GRID1: variants seen among roughly 807,000 people sequenced by gnomAD.
The protein encoded by GRID1 is glutamate receptor ionotropic, delta-1.
In GRID1, 28 loss-of-function variants were observed where a neutral mutation model predicts 98.0. The ratio of observed to expected loss-of-function variants is 0.29; its 90% CI spans 0.21 to 0.39. GRID1 has a LOEUF of 0.39. Among genes scored for constraint, GRID1 ranks in the 10% least tolerant of loss-of-function variants. The pLI, the probability that GRID1 is intolerant of heterozygous loss-of-function variation, is 1.00. For synonymous variants in GRID1, 553 were observed against 538.5 expected (o/e 1.03, Z -0.37); for missense variants, 1,111 against 1,340.5 (o/e 0.83, Z 2.67).
intron 4 of GRID1, among the ~76,000 whole-genome samples, chr10:86,115,979 G>A (rs558376093): frequency 5.0e-4 from 76 of 152,138 alleles, no homozygotes; most frequent in Non-Finnish European, 1.0e-3. Context: ...TATTGCATTC[G>A]GCACAGTCCC....
intron 8 of GRID1, among the ~76,000 whole-genome samples, chr10:85,777,473 G>C (rs1422758802): frequency 6.6e-6 from 1 of 152,210 alleles, no homozygotes; most frequent in Non-Finnish European, 1.5e-5. Flanking sequence ...TAAGTAGAAT[G>C]GGGTAGGACC....
chr10:85,614,443 C>CA (rs1842766615), intron 14 of GRID1, among the ~76,000 whole-genome samples: 1 of 152,196 alleles, frequency 6.6e-6, no homozygotes, highest in Non-Finnish European at 1.5e-5. Context: ...GTTGAATCCT[C>CA]ATTTGCATGC....
intron 4 of GRID1, among the ~76,000 whole-genome samples, chr10:85,970,289 T>C (rs1052248867): frequency 7.9e-5 from 12 of 152,020 alleles, no homozygotes; most frequent in Non-Finnish European, 1.5e-4. Flanking sequence ...AAAAATAGAA[T>C]AGGAGGGAAC....
At chr10:85,776,323 G>A (rs934966332) in intron 8 of GRID1, among the ~76,000 whole-genome samples, 9 of 152,216 alleles carry the variant, frequency 5.9e-5, no homozygotes, top group African/African-American at 1.7e-4. Flanking sequence ...GGACAGAAGT[G>A]AGGCTCAGAT....
chr10:86,116,157 C>T (rs186329833), intron 4 of GRID1, among the ~76,000 whole-genome samples: 5 of 152,264 alleles, frequency 3.3e-5, no homozygotes, highest in East Asian at 3.9e-4. Context: ...TTAAGTGATG[C>T]GTGACTGTAT....
At chr10:85,669,690 C>T (rs186714965) in intron 12 of GRID1, among the ~76,000 whole-genome samples, 2 of 152,304 alleles carry the variant, frequency 1.3e-5, no homozygotes, top group East Asian at 1.9e-4. Context: ...TAGGGAAGGA[C>T]TGCTAGCTCC....
chr10:85,616,939 T>G (rs1213317605), intron 14 of GRID1, among the ~76,000 whole-genome samples: 1 of 152,212 alleles, frequency 6.6e-6, no homozygotes, highest in Admixed American at 6.5e-5. Flanking sequence ...AACTGCATGC[T>G]GTGGTCTGCA....
chr10:86,152,070 A>C (rs987303543), intron 3 of GRID1, among the ~76,000 whole-genome samples: 3 of 152,262 alleles, frequency 2.0e-5, no homozygotes, highest in Non-Finnish European at 2.9e-5. Flanking sequence ...AACAGCAGGG[A>C]GTGCACGAGA....
chr10:85,609,871 G>A (rs183846552), intron 15 of GRID1, among the ~76,000 whole-genome samples: 25 of 152,256 alleles, frequency 1.6e-4, no homozygotes, highest in African/African-American at 5.1e-4. Flanking sequence ...TAAATCTAGC[G>A]AGTGGCTCTT....
rs146215004 is a variant in GRID1 at position 86,013,395 on chromosome 10, G to A, written c.727-97156C>T. Among the ~76,000 whole-genome samples the A allele has an allele frequency of 4.7e-4, 71 of 152,216 alleles. No homozygotes were observed. The East Asian group carries it at 6.9e-3, about 15-fold the overall frequency. Reference sequence around the variant, plus strand: ...CATCCCTATATTAACTTTCTAAGTTGGCAGATACAAAAAGTAATGAGTTAT... The same window carrying A: ...CATCCCTATATTAACTTTCTAAGTTAGCAGATACAAAAAGTAATGAGTTAT... On this transcript the variant is annotated intron_variant, in intron 4 of 15. Coordinates refer to ENST00000327946, the MANE Select transcript of GRID1 (RefSeq NM_017551.3).
intron 3 of GRID1, among the ~76,000 whole-genome samples, chr10:86,140,533 T>C (rs1398775671): frequency 6.6e-6 from 1 of 152,208 alleles, no homozygotes; most frequent in Non-Finnish European, 1.5e-5. Flanking sequence ...CCAGCTGGAC[T>C]GTGTGACAGG....
rs910051887 is a variant in GRID1 at position 86,163,356 on chromosome 10, G to A, written c.521-24332C>T. Among the ~76,000 whole-genome samples, 8 of 151,984 alleles carry A rather than the reference G, an allele frequency of 5.3e-5. No individual in the cohort carries two copies. In the East Asian group the frequency reaches 1.5e-3, roughly 29 times the overall value. ...CAGAGACAGAGCTAGGGGCTGTGGG[G>A]TGTAGCTGTCCTATGAGCATGAGCC... On this transcript the variant is annotated intron_variant, in intron 3 of 15. Coordinates refer to ENST00000327946, the MANE Select transcript of GRID1 (RefSeq NM_017551.3).
At chr10:86,006,417 G>T (rs561630180) in intron 4 of GRID1, among the ~76,000 whole-genome samples, 2 of 152,092 alleles carry the variant, frequency 1.3e-5, no homozygotes, top group Non-Finnish European at 2.9e-5. Flanking sequence ...TCAAGAGATC[G>T]AGACCATTCT....
chr10:85,850,735 C>G (rs1185392989), intron 8 of GRID1, among the ~76,000 whole-genome samples: 2 of 152,222 alleles, frequency 1.3e-5, no homozygotes, highest in Non-Finnish European at 2.9e-5. Flanking sequence ...TGAGCATGCT[C>G]TCACTGCCAA....
intron 4 of GRID1, among the ~76,000 whole-genome samples, chr10:86,138,490 CAAAG>C (rs1331102453): frequency 6.6e-6 from 1 of 151,674 alleles, no homozygotes; most frequent in Non-Finnish European, 1.5e-5. Flanking sequence ...CACCTGTCAA[CAAAG>C]AGAGGAAAAT....
chr10:86,144,545 C>G (rs956208426), intron 3 of GRID1, among the ~76,000 whole-genome samples: 6 of 152,150 alleles, frequency 3.9e-5, no homozygotes, highest in African/African-American at 1.4e-4. Flanking sequence ...CGCTCGCCCT[C>G]TCCCCCTGCA....
chr10:85,817,963 G>A lies in GRID1; in HGVS notation c.1233+36533C>T, dbSNP rs112544466. ...CACTGAAGGCAGTGGGGGAAAGGGA[G>A]TTGACCTAAGTAGCTTTTGGAAACA... On this transcript the variant is annotated intron_variant, in intron 8 of 15. Transcript: ENST00000327946. Among the ~76,000 whole-genome samples the A allele has an allele frequency of 8.7e-3, 1,322 of 152,302 alleles. 12 individuals are homozygous for A. Among genetic ancestry groups the A allele is most frequent in the African/African-American group, 0.03 (1,245 of 41,574 alleles).
At chr10:86,039,712 C>T (rs556936172) in intron 4 of GRID1, among the ~76,000 whole-genome samples, 6 of 152,302 alleles carry the variant, frequency 3.9e-5, no homozygotes, top group East Asian at 1.9e-4. Flanking sequence ...ACTGTCTCAA[C>T]GCGTAGGTCC....
intron 8 of GRID1, among the ~76,000 whole-genome samples, chr10:85,740,649 T>C (rs891838458): frequency 2.6e-5 from 4 of 152,130 alleles, no homozygotes; most frequent in Non-Finnish European, 2.9e-5. Flanking sequence ...TAGTTATAAG[T>C]AGCTGTCTCC....
Sources: allele counts gnomAD v4.1 joint callset (sites outside exome capture counted in the v4.1 genomes callset), GRCh38; gene constraint gnomAD v4.1.1; transcripts MANE v1.5; gene names NCBI Gene and HGNC (gene_info 2026-07-23, HGNC 2026-07-21).